NRG3: variants seen among roughly 807,000 people sequenced by gnomAD.
NRG3 encodes the protein pro-neuregulin-3, membrane-bound isoform.
A neutral mutation model predicts 66.9 loss-of-function variants in NRG3; 31 were observed. The observed-to-expected ratio is 0.46, with a 90% CI of 0.35 to 0.63. The LOEUF (loss-of-function observed/expected upper bound fraction) is 0.63, where lower values mean the gene tolerates loss of function less well. Among genes scored for constraint, NRG3 ranks in the 20% least tolerant of loss-of-function variants. The pLI is 0.00. For synonymous variants in NRG3, 393 were observed against 359.4 expected (o/e 1.09, Z -1.06); for missense variants, 910 against 878.9 (o/e 1.04, Z -0.45).
At chr10:82,196,264 C>T (rs1404456148) in intron 1 of NRG3, among the ~76,000 whole-genome samples, 1 of 152,116 alleles carries the variant, frequency 6.6e-6, no homozygotes, top group African/African-American at 2.4e-5. Flanking sequence ...AAACAGAACC[C>T]CTCAGAACTT....
chr10:81,913,312 C>T lies in NRG3; in HGVS notation c.823+37149C>T, dbSNP rs369835686. On this transcript the variant is annotated intron_variant, in intron 1 of 8. Transcript: ENST00000372141. The stretch of plus-strand genomic sequence containing the variant: ...TGAGCCCAGGTGCTCCATTGACCAG[C>T]GTCCTCATGCAGAGCCAAGTGCTAT... Among the ~76,000 whole-genome samples, 34 of 152,292 alleles carry T rather than the reference C, an allele frequency of 2.2e-4. No individual in the cohort carries two copies. The East Asian group carries it at 4.1e-3, about 18-fold the overall frequency.
chr10:82,471,890 GA>G (rs71009809), intron 2 of NRG3, among the ~76,000 whole-genome samples: 44 of 145,648 alleles, frequency 3.0e-4, no homozygotes, highest in East Asian at 1.8e-3. Context: ...ACTCCATCTC[GA>G]AAAAAAAAAA....
intron 1 of NRG3, among the ~76,000 whole-genome samples, chr10:82,281,503 G>A (rs368177597): frequency 6.6e-6 from 1 of 152,114 alleles, no homozygotes; most frequent in Non-Finnish European, 1.5e-5. Flanking sequence ...GTGGTTGGTG[G>A]TTGGTGAGGA....
rs146555703 is a variant in NRG3 at position 82,815,701 on chromosome 10, C to T, written c.1028-49710C>T. Among the ~76,000 whole-genome samples, 315 of 152,168 alleles carry T rather than the reference C, an allele frequency of 2.1e-3. 2 individuals carry two copies. Among genetic ancestry groups the T allele is most frequent in the African/African-American group, 7.3e-3 (302 of 41,528 alleles). On this transcript the variant is annotated intron_variant, in intron 3 of 8. Coordinates refer to ENST00000372141, the MANE Select transcript of NRG3 (RefSeq NM_001010848.4). ...GGTTTCAGCTGGAAACCTCTGTGTC[C>T]GGTTGTGCCTTCTGCCTAAGTATTG...
chr10:82,831,482 A>G (rs1206597871), intron 3 of NRG3, among the ~76,000 whole-genome samples: 1 of 152,170 alleles, frequency 6.6e-6, no homozygotes, highest in Non-Finnish European at 1.5e-5. Context: ...TGTGTTTTTA[A>G]GCAGACTTTA....
chr10:82,075,805 A>G lies in NRG3; in HGVS notation c.823+199642A>G, dbSNP rs140194370. Among the ~76,000 whole-genome samples the G allele has an allele frequency of 1.1e-3, 163 of 152,214 alleles. 4 individuals carry two copies. In the East Asian group the frequency reaches 0.028, roughly 26 times the overall value. On this transcript the variant is annotated intron_variant, in intron 1 of 8. Transcript: ENST00000372141. Reference sequence around the variant, plus strand: ...AATGACATGTCTGGGGCAACAGGGTAGCAAAACTTCAGATAAGGAAATCTG... The same window carrying G: ...AATGACATGTCTGGGGCAACAGGGTGGCAAAACTTCAGATAAGGAAATCTG...
chr10:82,228,011 A>G (rs898548758), intron 1 of NRG3, among the ~76,000 whole-genome samples: 1 of 152,102 alleles, frequency 6.6e-6, no homozygotes, highest in Admixed American at 6.6e-5. Flanking sequence ...ATGATAGTGT[A>G]CCTATTGATG....
At chr10:82,705,770 C>T (rs1346496525) in intron 2 of NRG3, among the ~76,000 whole-genome samples, 2 of 152,088 alleles carry the variant, frequency 1.3e-5, no homozygotes, top group Non-Finnish European at 2.9e-5. Flanking sequence ...GTGATCCACC[C>T]ATGTTAAAGT....
chr10:82,439,271 A>G, intron 2 of NRG3, among the ~76,000 whole-genome samples: 1 of 152,152 alleles, frequency 6.6e-6, no homozygotes, highest in East Asian at 1.9e-4. Flanking sequence ...ATTAGTTGTG[A>G]AAATAATTCA....
intron 1 of NRG3, among the ~76,000 whole-genome samples, chr10:81,990,814 A>T (rs1460757355): frequency 6.6e-6 from 1 of 152,136 alleles, no homozygotes; most frequent in Non-Finnish European, 1.5e-5. Context: ...TATATTTGTC[A>T]AGGTAACTTT....
chr10:82,807,428 G>A (rs1019713791), intron 3 of NRG3, among the ~76,000 whole-genome samples: 3 of 152,132 alleles, frequency 2.0e-5, no homozygotes, highest in Non-Finnish European at 4.4e-5. Flanking sequence ...CTTGCAACGG[G>A]GTGTGTGGAG....
chr10:82,825,776 C>T (rs1467182718), intron 3 of NRG3, among the ~76,000 whole-genome samples: 3 of 152,040 alleles, frequency 2.0e-5, no homozygotes, highest in Admixed American at 1.3e-4. Flanking sequence ...CAATTGTTAC[C>T]ATGTAACATA....
chr10:82,533,446 C>T (rs1224289619), intron 2 of NRG3, among the ~76,000 whole-genome samples: 1 of 145,906 alleles, frequency 6.9e-6, no homozygotes, highest in Non-Finnish European at 1.5e-5. Flanking sequence ...GTTGATAATC[C>T]GTTTTGATTT....
At chr10:81,887,863 G>C (rs1842736228) in intron 1 of NRG3, among the ~76,000 whole-genome samples, 1 of 152,066 alleles carries the variant, frequency 6.6e-6, no homozygotes, top group African/African-American at 2.4e-5. Context: ...CCAGGTGTAG[G>C]TTTTCCTGTA....
At chr10:82,180,134 TTG>T (rs572295169) in intron 1 of NRG3, among the ~76,000 whole-genome samples, 1 of 151,284 alleles carries the variant, frequency 6.6e-6, no homozygotes, top group Non-Finnish European at 1.5e-5. Flanking sequence ...TGACAGGTTT[TTG>T]TGTGTGTGTG....
chr10:82,351,421 CAGA>C lies in NRG3; in HGVS notation c.824-7312_824-7310del, dbSNP rs768396733. On this transcript the variant is annotated intron_variant, in intron 1 of 8. Coordinates refer to ENST00000372141, the MANE Select transcript of NRG3 (RefSeq NM_001010848.4). The stretch of plus-strand genomic sequence containing the variant: ...GAAAATTGCTTAGGAAACATGATGT[CAGA>C]AGAAGGAGAGCCATGTAATTCAAGT... Among the ~76,000 whole-genome samples, 96 of 152,286 alleles carry C rather than the reference CAGA, an allele frequency of 6.3e-4. 1 individual carries two copies. Among genetic ancestry groups the C allele is most frequent in the Admixed American group, 5.5e-3 (84 of 15,288 alleles).
chr10:82,797,443 C>T (rs2060846290), intron 3 of NRG3, among the ~76,000 whole-genome samples: 1 of 152,168 alleles, frequency 6.6e-6, no homozygotes, highest in Non-Finnish European at 1.5e-5. Context: ...TCAGGTGGGT[C>T]ATGTCCAAAG....
intron 1 of NRG3, among the ~76,000 whole-genome samples, chr10:82,356,284 T>G (rs1313275309): frequency 6.6e-6 from 1 of 152,206 alleles, no homozygotes; most frequent in East Asian, 1.9e-4. Context: ...GATCTCACTT[T>G]TTATGCTGTA....
intron 1 of NRG3, among the ~76,000 whole-genome samples, chr10:82,156,017 C>A (rs2071159764): frequency 6.6e-6 from 1 of 151,552 alleles, no homozygotes; most frequent in Admixed American, 6.6e-5. Context: ...TGTTGGGGAA[C>A]TGATATAGCT....
Sources: allele counts gnomAD v4.1 joint callset (sites outside exome capture counted in the v4.1 genomes callset), GRCh38; gene constraint gnomAD v4.1.1; transcripts MANE v1.5; gene names NCBI Gene and HGNC (gene_info 2026-07-23, HGNC 2026-07-21).